Variants in MTMR7 observed in about 807,000 individuals in gnomAD.
MTMR7 encodes the protein myotubularin related protein 7, also known as phosphatidylinositol-3-phosphate phosphatase MTMR7.
In MTMR7, 76 loss-of-function variants were observed where a neutral mutation model predicts 81.2. The ratio of observed to expected loss-of-function variants is 0.94; its 90% CI spans 0.78 to 1.13. The LOEUF (loss-of-function observed/expected upper bound fraction) is 1.13, where lower values mean the gene tolerates loss of function less well. Among genes scored for constraint, MTMR7 ranks in the 50% most tolerant of loss-of-function variants. The pLI, the probability that MTMR7 is intolerant of heterozygous loss-of-function variation, is 0.00. For synonymous variants in MTMR7, 372 were observed against 289.8 expected, an observed-to-expected ratio of 1.28 and a Z score of -2.88; for missense variants, 1,044 against 820.0, an observed-to-expected ratio of 1.27 and a Z score of -3.34.
At chr8:17,328,280 C>A (rs1006623379) in intron 7 of MTMR7, among the ~76,000 whole-genome samples, 7 of 152,134 alleles carry the variant, frequency 4.6e-5, no homozygotes, top group Non-Finnish European at 1.0e-4. Flanking sequence ...ATGCAAGTAA[C>A]TCCATACACC....
intron 7 of MTMR7, among the ~76,000 whole-genome samples, chr8:17,324,693 G>A (rs1363214774): frequency 6.6e-6 from 1 of 152,174 alleles, no homozygotes; most frequent in African/African-American, 2.4e-5. Flanking sequence ...CTTGTTAATA[G>A]GCCATACAAA....
At chr8:17,313,132 A>C (rs1320037354) in intron 8 of MTMR7, among the ~76,000 whole-genome samples, 160 bp downstream of exon 8, 1 of 152,246 alleles carries the variant, frequency 6.6e-6, no homozygotes. Context: ...CTTTCGCAAA[A>C]TCATATCTTC....
intron 1 of MTMR7, among the ~76,000 whole-genome samples, chr8:17,376,720 G>C (rs1359767283): frequency 6.6e-6 from 1 of 151,982 alleles, no homozygotes; most frequent in Non-Finnish European, 1.5e-5. Flanking sequence ...ATTTTTAATG[G>C]AACACTTATT....
intron 5 of MTMR7, among the ~76,000 whole-genome samples, chr8:17,348,711 G>T (rs1476676057): frequency 6.6e-6 from 1 of 152,038 alleles, no homozygotes; most frequent in Non-Finnish European, 1.5e-5. Flanking sequence ...AGCTTTAGGG[G>T]TTTTCTGAAT....
At chr8:17,386,839 A>G (rs1820957298) in intron 1 of MTMR7, among the ~76,000 whole-genome samples, 1 of 152,216 alleles carries the variant, frequency 6.6e-6, no homozygotes, top group Admixed American at 6.5e-5. Context: ...ACACACCAAA[A>G]AAACATACAA....
chr8:17,336,329 T>C (rs1253961706), intron 6 of MTMR7, among the ~76,000 whole-genome samples: 1 of 152,086 alleles, frequency 6.6e-6, no homozygotes, highest in Non-Finnish European at 1.5e-5. Flanking sequence ...CAGGCTCCAC[T>C]GGACCCACAG....
intron 12 of MTMR7, 189 bp from the exon 13 acceptor site, chr8:17,302,469 C>G: frequency 3.7e-6 from 2 of 533,480 alleles, no homozygotes; most frequent in Non-Finnish European, 6.4e-6. Context: ...CAGTAAATGC[C>G]TTTTGGGGAG....
At chr8:17,392,322 A>C (rs796603815) in intron 1 of MTMR7, among the ~76,000 whole-genome samples, 12 of 152,236 alleles carry the variant, frequency 7.9e-5, no homozygotes, top group African/African-American at 2.7e-4. Context: ...GTCAAAATTT[A>C]CTAATAAATA....
intron 1 of MTMR7, among the ~76,000 whole-genome samples, chr8:17,400,821 CT>C (rs906239226): frequency 6.6e-6 from 1 of 152,214 alleles, no homozygotes; most frequent in South Asian, 2.1e-4. Flanking sequence ...GGCAGTATTT[CT>C]TTTTTAAGTT....
intron 4 of MTMR7, among the ~76,000 whole-genome samples, chr8:17,356,753 T>A (rs914370163): frequency 6.6e-6 from 1 of 152,022 alleles, no homozygotes. Flanking sequence ...TCAGTGTGTG[T>A]GTATGCTATT....
At chr8:17,337,604 C>T (rs1195357347) in intron 6 of MTMR7, among the ~76,000 whole-genome samples, 1 of 152,088 alleles carries the variant, frequency 6.6e-6, no homozygotes, top group Non-Finnish European at 1.5e-5. Flanking sequence ...ACTTCATTGA[C>T]TTTGTCTCCC....
chr8:17,308,808 G>A (rs181554843), intron 10 of MTMR7, among the ~76,000 whole-genome samples: 10 of 152,280 alleles, frequency 6.6e-5, no homozygotes, highest in African/African-American at 2.2e-4. Flanking sequence ...TCTGGAGTTG[G>A]ATATGTCTGG....
intron 6 of MTMR7, among the ~76,000 whole-genome samples, chr8:17,333,692 A>C (rs1563341593): frequency 6.6e-6 from 1 of 152,138 alleles, no homozygotes. Flanking sequence ...TCTACAAAAA[A>C]ATGCAAAAAT....
intron 13 of MTMR7, chr8:17,301,880 T>C: frequency 2.3e-6 from 1 of 428,968 alleles, no homozygotes; most frequent in Non-Finnish European, 4.1e-6. Context: ...TTTACTACTC[T>C]CAAATAACAG....
chr8:17,377,345 A>C (rs1820620082), intron 1 of MTMR7, among the ~76,000 whole-genome samples: 1 of 152,080 alleles, frequency 6.6e-6, no homozygotes, highest in Non-Finnish European at 1.5e-5. Context: ...CAGATTTTCA[A>C]ATTTTTACAA....
chr8:17,402,818 C>A (rs1424305418), intron 1 of MTMR7, among the ~76,000 whole-genome samples: 1 of 152,154 alleles, frequency 6.6e-6, no homozygotes, highest in African/African-American at 2.4e-5. Context: ...TGAGGAACCT[C>A]CAAACAGTTC....
In MTMR7 at chr8:17,330,419, G is replaced by A. The variant is rs566288568; in HGVS notation, c.865+731C>T. ...CTGTCTTTTCCCAGTTCGCAGAGCC[G>A]GAAGTGGTAGACTACAGCGACAGAT... On this transcript the variant is annotated intron_variant, in intron 7 of 13. Coordinates refer to ENST00000180173, the MANE Select transcript of MTMR7 (RefSeq NM_004686.5). Among the ~76,000 whole-genome samples the A allele has an allele frequency of 7.9e-4, 121 of 152,342 alleles. 1 individual carries two copies. The highest frequency in any genetic ancestry group is 2.7e-3 in the African/African-American group (111 of 41,576).
chr8:17,372,132 G>A (rs1350530283), intron 2 of MTMR7, among the ~76,000 whole-genome samples: 2 of 152,170 alleles, frequency 1.3e-5, no homozygotes, highest in Non-Finnish European at 2.9e-5. Flanking sequence ...GGTGTTACAG[G>A]AGGGTCTATG....
At chr8:17,408,115 G>T (rs112741303) in intron 1 of MTMR7, among the ~76,000 whole-genome samples, 1 of 59,566 alleles carries the variant, frequency 1.7e-5, no homozygotes, top group Non-Finnish European at 5.7e-5. Flanking sequence ...GAGAGGCCGG[G>T]CGCGGTGGCT....
Sources: gnomAD v4.1 joint callset for allele counts (sites outside exome capture counted in the v4.1 genomes callset) on GRCh38, gnomAD v4.1.1 for gene constraint, MANE v1.5 for transcripts, NCBI Gene and HGNC (gene_info 2026-07-23, HGNC 2026-07-21) for gene names.